PDE7B: variants seen among roughly 807,000 people sequenced by gnomAD.
PDE7B encodes the protein 3',5'-cyclic-AMP phosphodiesterase 7B.
PDE7B carries 29 observed loss-of-function variants against 56.2 expected under a neutral mutation model. The ratio of observed to expected loss-of-function variants is 0.52; its 90% CI spans 0.38 to 0.70. The LOEUF (loss-of-function observed/expected upper bound fraction) is 0.70, where lower values mean the gene tolerates loss of function less well. Among genes scored for constraint, PDE7B ranks in the 30% least tolerant of loss-of-function variants. The probability of loss-of-function intolerance (pLI) is 0.00; values close to 1 mark genes in which losing one functional copy is unlikely to be tolerated. For synonymous variants in PDE7B, 197 were observed against 196.9 expected (o/e 1.00, Z 0.00); for missense variants, 490 against 565.0 (o/e 0.87, Z 1.35).
chr6:136,149,615 C>T (rs1030266120), intron 5 of PDE7B, among the ~76,000 whole-genome samples: 1 of 151,958 alleles, frequency 6.6e-6, no homozygotes, highest in African/African-American at 2.4e-5. Flanking sequence ...AAACAATTGC[C>T]GAGGAAAGAA....
chr6:135,912,549 T>G (rs1234972793), intron 1 of PDE7B, among the ~76,000 whole-genome samples: 1 of 152,022 alleles, frequency 6.6e-6, no homozygotes, highest in Non-Finnish European at 1.5e-5. Flanking sequence ...TATTTCTAAA[T>G]GTTGGGGATT....
chr6:136,014,126 C>T (rs75831051), intron 2 of PDE7B, among the ~76,000 whole-genome samples: 299 of 152,234 alleles, frequency 2.0e-3, no homozygotes, highest in Admixed American at 4.9e-3. Context: ...TTCCCCCTTT[C>T]AAGTTAGTTT....
At chr6:136,184,103 T>C (rs566634789) in intron 11 of PDE7B, among the ~76,000 whole-genome samples, 2 of 152,348 alleles carry the variant, frequency 1.3e-5, no homozygotes, top group African/African-American at 4.8e-5. Flanking sequence ...ACAAAACTGA[T>C]TATCCTATGT....
chr6:136,186,952 C>A, intron 11 of PDE7B, 84 bp from the exon 12 acceptor site: 2 of 775,188 alleles, frequency 2.6e-6, no homozygotes, highest in Non-Finnish European at 4.5e-6. Context: ...TAACTTCTTC[C>A]GACGAGGTCA....
intron 2 of PDE7B, among the ~76,000 whole-genome samples, chr6:135,981,896 C>T (rs778553470): frequency 2.0e-5 from 3 of 151,838 alleles, no homozygotes; most frequent in Non-Finnish European, 4.4e-5. Context: ...ACATGCTATA[C>T]TTTCATATGC....
chr6:135,934,864 A>ATTT (rs1562445096), intron 1 of PDE7B, among the ~76,000 whole-genome samples: 1 of 94,820 alleles, frequency 1.1e-5, no homozygotes, highest in African/African-American at 4.7e-5. Flanking sequence ...AATATATATA[A>ATTT]AAATATATAT....
chr6:136,136,437 A>G (rs1374523847), intron 3 of PDE7B, among the ~76,000 whole-genome samples: 2 of 152,136 alleles, frequency 1.3e-5, no homozygotes, highest in Non-Finnish European at 2.9e-5. Context: ...AGATATGTGA[A>G]TAAGAGTGAA....
chr6:136,015,814 T>C (rs945314212), intron 2 of PDE7B, among the ~76,000 whole-genome samples: 1 of 152,194 alleles, frequency 6.6e-6, no homozygotes, highest in Non-Finnish European at 1.5e-5. Context: ...GGGGAAATTT[T>C]CTAAACCAAA....
chr6:135,970,456 A>G (rs752792492), intron 2 of PDE7B, among the ~76,000 whole-genome samples: 1 of 151,382 alleles, frequency 6.6e-6, no homozygotes, highest in Non-Finnish European at 1.5e-5. Context: ...GGTCTAGGCC[A>G]GTGCTTCTGA....
intron 1 of PDE7B, among the ~76,000 whole-genome samples, chr6:135,887,670 T>G (rs1355325864): frequency 6.6e-6 from 1 of 152,172 alleles, no homozygotes; most frequent in African/African-American, 2.4e-5. Context: ...ATTAGGGGCT[T>G]TATTTTATTG....
chr6:135,942,928 C>G (rs369325944), intron 1 of PDE7B, among the ~76,000 whole-genome samples: 5 of 152,014 alleles, frequency 3.3e-5, no homozygotes, highest in African/African-American at 1.2e-4. Context: ...CTCAGTTGGC[C>G]CCACGCCTTG....
intron 1 of PDE7B, among the ~76,000 whole-genome samples, 178 bp downstream of exon 1, chr6:135,852,197 A>T (rs1774954754): frequency 6.6e-6 from 1 of 152,068 alleles, no homozygotes; most frequent in South Asian, 2.1e-4. Context: ...CTGACTAAAC[A>T]TTATCACTTA....
chr6:136,009,483 C>A (rs1201610795), intron 2 of PDE7B, among the ~76,000 whole-genome samples: 2 of 152,084 alleles, frequency 1.3e-5, no homozygotes, highest in Admixed American at 1.3e-4. Context: ...AATGTTCTTC[C>A]ATTTGTCTGT....
At chr6:135,893,797 A>ATC (rs1404071176) in intron 1 of PDE7B, among the ~76,000 whole-genome samples, 4 of 152,190 alleles carry the variant, frequency 2.6e-5, no homozygotes, top group Admixed American at 2.6e-4. Flanking sequence ...TTATATAGAA[A>ATC]TTAATAATGA....
intron 5 of PDE7B, among the ~76,000 whole-genome samples, chr6:136,150,521 G>A (rs185361407): frequency 1.3e-5 from 2 of 152,296 alleles, no homozygotes; most frequent in East Asian, 3.9e-4. Context: ...GGCTGCAGAA[G>A]CATGAATTTA....
intron 8 of PDE7B, among the ~76,000 whole-genome samples, chr6:136,160,141 A>G (rs1035440239): frequency 6.6e-6 from 1 of 152,170 alleles, no homozygotes; most frequent in African/African-American, 2.4e-5. Flanking sequence ...CAACTTTAAG[A>G]TGAAGATTAC....
intron 8 of PDE7B, among the ~76,000 whole-genome samples, chr6:136,167,893 T>C (rs962283524): frequency 6.6e-6 from 1 of 152,152 alleles, no homozygotes; most frequent in Admixed American, 6.6e-5. Context: ...AGAACTCTAA[T>C]AGACATCAAT....
chr6:135,878,758 A>G (rs1368667508), intron 1 of PDE7B, among the ~76,000 whole-genome samples: 1 of 152,222 alleles, frequency 6.6e-6, no homozygotes. Flanking sequence ...ATCTATAAAC[A>G]TCAGTCATTT....
chr6:136,036,214 G>C (rs1776323971), intron 2 of PDE7B, among the ~76,000 whole-genome samples: 1 of 152,200 alleles, frequency 6.6e-6, no homozygotes, highest in Admixed American at 6.5e-5. Context: ...GTGTTGAACT[G>C]ATGGTGAAAT....
Sources: gnomAD v4.1 joint callset for allele counts (sites outside exome capture counted in the v4.1 genomes callset) on GRCh38, gnomAD v4.1.1 for gene constraint, MANE v1.5 for transcripts, NCBI Gene and HGNC (gene_info 2026-07-23, HGNC 2026-07-21) for gene names.